AGMO: variants seen among roughly 807,000 people sequenced by gnomAD.
AGMO encodes the protein alkylglycerol monooxygenase.
In AGMO, 75 loss-of-function variants were observed where a neutral mutation model predicts 60.2. The observed-to-expected ratio is 1.25, with a 90% confidence interval of 1.03 to 1.51. AGMO has a LOEUF of 1.51. Among genes scored for constraint, AGMO ranks in the 40% most tolerant of loss-of-function variants. The pLI is 0.00. For synonymous variants in AGMO, 261 were observed against 177.1 expected, an observed-to-expected ratio of 1.47 and a Z score of -3.76; for missense variants, 763 against 525.5, an observed-to-expected ratio of 1.45 and a Z score of -4.42.
At chr7:15,384,516 A>G (rs1487543793) in intron 10 of AGMO, among the ~76,000 whole-genome samples, 1 of 152,084 alleles carries the variant, frequency 6.6e-6, no homozygotes, top group Non-Finnish European at 1.5e-5. Context: ...TGTCCTATAC[A>G]CCTTAAAGAT....
intron 12 of AGMO, among the ~76,000 whole-genome samples, chr7:15,265,089 T>C (rs144167111): frequency 1.3e-5 from 2 of 152,284 alleles, no homozygotes; most frequent in African/African-American, 4.8e-5. Flanking sequence ...CACTATGGAA[T>C]ACTATGCAAC....
intron 10 of AGMO, among the ~76,000 whole-genome samples, chr7:15,367,623 AG>A (rs1341806822): frequency 2.6e-5 from 4 of 152,138 alleles, no homozygotes; most frequent in African/African-American, 9.6e-5. Context: ...AGCTAATGGC[AG>A]AAGTCTAAAT....
chr7:15,417,624 C>G (rs1780810269), intron 5 of AGMO, among the ~76,000 whole-genome samples: 1 of 152,138 alleles, frequency 6.6e-6, no homozygotes, highest in African/African-American at 2.4e-5. Flanking sequence ...TCATAAAACA[C>G]AATACTATTT....
chr7:15,372,723 T>G (rs1783269481), intron 10 of AGMO, among the ~76,000 whole-genome samples: 1 of 152,218 alleles, frequency 6.6e-6, no homozygotes, highest in Non-Finnish European at 1.5e-5. Flanking sequence ...CGTAGCTTAT[T>G]AGTTTTTTAT....
chr7:15,168,584 TTTGGCTCTGCA>T, the AGMO span, among the ~76,000 whole-genome samples: 1 of 152,222 alleles, frequency 6.6e-6, no homozygotes, highest in South Asian at 2.1e-4. Flanking sequence ...TTGGTCTTCT[TTTGGCTCTGCA>T]TTGGCTAATA....
chr7:15,343,123 G>A (rs993542327), intron 12 of AGMO, among the ~76,000 whole-genome samples: 1 of 151,954 alleles, frequency 6.6e-6, no homozygotes, highest in African/African-American at 2.4e-5. Context: ...AAATTTATAT[G>A]ATATTCAGAT....
At chr7:15,222,294 G>C (rs1159378304) in intron 12 of AGMO, among the ~76,000 whole-genome samples, 1 of 152,008 alleles carries the variant, frequency 6.6e-6, no homozygotes, top group Non-Finnish European at 1.5e-5. Context: ...TTAGTTCACA[G>C]ATACCTGAAA....
the AGMO span, among the ~76,000 whole-genome samples, chr7:15,138,107 C>A: frequency 6.6e-6 from 1 of 152,140 alleles, no homozygotes; most frequent in African/African-American, 2.4e-5. Context: ...GTCTCACCAG[C>A]CCCCCAAAAA....
At chr7:15,354,393 T>TATAC (rs1782396765) in intron 12 of AGMO, among the ~76,000 whole-genome samples, 11 of 41,114 alleles carry the variant, frequency 2.7e-4, no homozygotes, top group Non-Finnish European at 3.2e-4. Flanking sequence ...CGTGTGTGTA[T>TATAC]ACACGTGTGT....
intron 3 of AGMO, among the ~76,000 whole-genome samples, chr7:15,543,628 T>C (rs1434837335): frequency 6.6e-6 from 1 of 152,084 alleles, no homozygotes; most frequent in Non-Finnish European, 1.5e-5. Flanking sequence ...CCCTCAATAA[T>C]TGTGCTGTGA....
At chr7:15,306,212 C>T (rs1780607759) in intron 12 of AGMO, 1 of 237,466 alleles carries the variant, frequency 4.2e-6, no homozygotes. Context: ...CATGCACTGA[C>T]ATTGACTTCA....
chr7:15,322,649 AATATATATATAAATATATATAAAT>A (rs1781190485), intron 12 of AGMO, among the ~76,000 whole-genome samples: 1 of 47,498 alleles, frequency 2.1e-5, no homozygotes, highest in African/African-American at 1.3e-4. Context: ...TAAATATATA[AATATATATATAAATATATATAAAT>A]ATATGTATAT....
At chr7:15,275,851 G>C (rs1294461963) in intron 12 of AGMO, among the ~76,000 whole-genome samples, 1 of 151,692 alleles carries the variant, frequency 6.6e-6, no homozygotes, top group Non-Finnish European at 1.5e-5. Flanking sequence ...TATAATAATG[G>C]TTATTCCTGC....
intron 3 of AGMO, among the ~76,000 whole-genome samples, chr7:15,438,410 G>A (rs984725396): frequency 3.3e-5 from 5 of 152,074 alleles, no homozygotes; most frequent in Non-Finnish European, 7.4e-5. Flanking sequence ...TTTTATAGAT[G>A]AAGAAATGGA....
chr7:15,483,074 G>T (rs1583598815), intron 3 of AGMO, among the ~76,000 whole-genome samples: 1 of 152,066 alleles, frequency 6.6e-6, no homozygotes, highest in African/African-American at 2.4e-5. Context: ...AATCAAAGTT[G>T]TAATGGTTGC....
the AGMO span, among the ~76,000 whole-genome samples, chr7:15,134,203 C>A: frequency 6.6e-6 from 1 of 152,042 alleles, no homozygotes; most frequent in Non-Finnish European, 1.5e-5. Context: ...GGCTCTCTCA[C>A]CCAGGCTGGA....
chr7:15,263,324 A>G (rs1429823569), intron 12 of AGMO, among the ~76,000 whole-genome samples: 1 of 152,130 alleles, frequency 6.6e-6, no homozygotes, highest in Non-Finnish European at 1.5e-5. Context: ...CATATAGAAA[A>G]AAAATGTTCA....
chr7:15,291,410 T>C lies in AGMO; in HGVS notation c.1263+74104A>G, dbSNP rs536313279. On this transcript the variant is annotated intron_variant, in intron 12 of 12. Transcript: ENST00000342526. ...GCAGATGTTTTCTTCAGCTCTATTG[T>C]ATTTCTAACTTTGCCGGTATAGTGT... 2.0e-3 allele frequency among the ~76,000 whole-genome samples: 304 copies of C among 152,350 alleles called. 1 individual carries two copies. The highest frequency in any genetic ancestry group is 6.9e-3 in the African/African-American group (286 of 41,586).
chr7:15,321,278 G>A lies in AGMO; in HGVS notation c.1263+44236C>T, dbSNP rs1781100232. Among the ~76,000 whole-genome samples the A allele has an allele frequency of 2.0e-5, 3 of 151,984 alleles. No homozygotes were observed. In the South Asian group the frequency reaches 6.2e-4, roughly 32 times the overall value. ...ATAGATAGATTGTTGGACAAAGAGGGGCTGCCACAAACCCCAAACGGATGT... is the reference window on the plus strand; with the variant it reads ...ATAGATAGATTGTTGGACAAAGAGGAGCTGCCACAAACCCCAAACGGATGT... On this transcript the variant is annotated intron_variant, in intron 12 of 12. Transcript: ENST00000342526.
Sources: allele counts gnomAD v4.1 joint callset (sites outside exome capture counted in the v4.1 genomes callset), GRCh38; gene constraint gnomAD v4.1.1; transcripts MANE v1.5; gene names NCBI Gene and HGNC (gene_info 2026-07-23, HGNC 2026-07-21).